The following CRACD variants were observed in gnomAD, a reference collection of about 807,000 sequenced individuals.
CRACD encodes the protein capping protein inhibiting regulator of actin dynamics.
Under a neutral mutation model 106.8 loss-of-function variants are expected in CRACD, and 56 were observed. That is an observed-to-expected ratio of 0.52 (90% CI 0.42 to 0.66). The LOEUF is 0.66. Ranked by LOEUF, CRACD falls within the 30% of genes least tolerant of loss-of-function variation. The pLI, the probability that CRACD is intolerant of heterozygous loss-of-function variation, is 0.00. For missense variants in CRACD, 1,730 were observed against 1,623.2 expected, an observed-to-expected ratio of 1.07 and a Z score of -1.13; for synonymous variants, 754 against 670.8, an observed-to-expected ratio of 1.12 and a Z score of -1.92.
At chr4:56,180,405 C>T (rs1030283633) in intron 2 of CRACD, among the ~76,000 whole-genome samples, 1 of 151,836 alleles carries the variant, frequency 6.6e-6, no homozygotes, top group African/African-American at 2.4e-5. Flanking sequence ...AGGAGAATCG[C>T]CTGAACCCGG....
intron 1 of CRACD, among the ~76,000 whole-genome samples, chr4:56,099,352 T>G (rs559943454): frequency 6.6e-6 from 1 of 152,326 alleles, no homozygotes; most frequent in Admixed American, 6.5e-5. Context: ...ACCTAATAGA[T>G]ACCTGTTCTT....
Position 56,219,344 on chromosome 4 carries a change from G to T in CRACD, c.-189+39914G>T, listed in dbSNP as rs183881934. ...GTGAAATGAATATTAGGTTTTGTTC[G>T]TTTGTTTGTTTGTTTGTTTTTGAGA... On this transcript the variant is annotated intron_variant, in intron 2 of 10. Transcript: ENST00000682029. Among the ~76,000 whole-genome samples the T allele has an allele frequency of 2.0e-5, 3 of 152,132 alleles. No individual in the cohort carries two copies. The South Asian group carries it at 6.2e-4, about 32-fold the overall frequency.
chr4:56,298,144 A>G (rs1263365717), intron 3 of CRACD, 70 bp from the exon 4 acceptor site: 1 of 1,516,896 alleles, frequency 6.6e-7, no homozygotes, highest in African/African-American at 1.4e-5. Flanking sequence ...TCCAATCAGG[A>G]ATAATGGAAA....
chr4:56,127,059 G>C (rs971140822), intron 1 of CRACD, among the ~76,000 whole-genome samples: 3 of 152,174 alleles, frequency 2.0e-5, no homozygotes, highest in Non-Finnish European at 4.4e-5. Context: ...TGGAACTTGG[G>C]AGGCGGAGCC....
intron 1 of CRACD, among the ~76,000 whole-genome samples, chr4:56,070,360 C>T (rs1414131718): frequency 6.7e-6 from 1 of 148,246 alleles, no homozygotes; most frequent in African/African-American, 2.5e-5. Context: ...AGTACAGTGG[C>T]GCCATCTCGG....
At chr4:56,251,278 A>G (rs1741041603) in intron 2 of CRACD, among the ~76,000 whole-genome samples, 1 of 152,226 alleles carries the variant, frequency 6.6e-6, no homozygotes, top group Admixed American at 6.5e-5. Context: ...CTCATTTGGC[A>G]TCTAACCTTG....
intron 2 of CRACD, among the ~76,000 whole-genome samples, chr4:56,181,869 T>TTAA (rs1251896988): frequency 2.0e-5 from 3 of 152,192 alleles, no homozygotes; most frequent in Non-Finnish European, 4.4e-5. Flanking sequence ...TGACCTCATC[T>TTAA]TAAACTAATT....
intron 1 of CRACD, among the ~76,000 whole-genome samples, chr4:56,178,474 C>T (rs1004905135): frequency 1.3e-5 from 2 of 152,144 alleles, no homozygotes; most frequent in African/African-American, 4.8e-5. Context: ...GGTAGTCCTC[C>T]GAAGCCTTTA....
At chr4:56,306,499 C>T (rs550657183) in intron 4 of CRACD, among the ~76,000 whole-genome samples, 30 of 150,716 alleles carry the variant, frequency 2.0e-4, no homozygotes, top group African/African-American at 2.4e-4. Context: ...GGCAACAGAG[C>T]GAGACCGTGT....
intron 2 of CRACD, among the ~76,000 whole-genome samples, chr4:56,200,515 C>T (rs1014505865): frequency 6.6e-6 from 1 of 152,162 alleles, no homozygotes; most frequent in African/African-American, 2.4e-5. Context: ...ATGCGACACT[C>T]ATTTCACTGA....
At chr4:56,241,197 G>C (rs1430460547) in intron 2 of CRACD, among the ~76,000 whole-genome samples, 2 of 152,256 alleles carry the variant, frequency 1.3e-5, no homozygotes, top group East Asian at 3.9e-4. Context: ...GTGCTTTCTG[G>C]ATCCATTAGT....
In CRACD at chr4:56,314,367, G is replaced by T; in HGVS notation, c.865G>T (p.Glu289Ter). Reference sequence around the variant, plus strand: ...TCTAGAGGCGGAAAGGGCGCCGCGGGAAGAGCAGCAGCGGAGCCTGGAAGC... The same window carrying T: ...TCTAGAGGCGGAAAGGGCGCCGCGGTAAGAGCAGCAGCGGAGCCTGGAAGC... ...PPLEAERAPR[E>*]EQQRSLEAPG... Residue 289 changes from glutamate (E) to a stop codon, truncating the protein, a stop_gained, in exon 8 of 11, where the codon GAA (glutamate) becomes TAA (stop). Coordinates refer to ENST00000682029, the MANE Select transcript of CRACD (RefSeq NM_001393381.1). LOFTEE classifies it high-confidence loss of function. This position sits in a 1 kb window ranked among gnomAD's most constrained non-coding sequence, Gnocchi z 4.4. 6.5e-7 allele frequency: 1 copy of T among 1,547,826 alleles called. No individual in the cohort carries two copies. Among genetic ancestry groups the T allele is most frequent in the Non-Finnish European group, 8.7e-7 (1 of 1,146,282 alleles).
chr4:56,265,103 G>C (rs1741930764), intron 2 of CRACD, among the ~76,000 whole-genome samples: 1 of 152,106 alleles, frequency 6.6e-6, no homozygotes, highest in Admixed American at 6.5e-5. Context: ...TGTCATAATG[G>C]AAATGTGCTG....
chr4:56,165,347 C>G (rs1237133324), intron 1 of CRACD, among the ~76,000 whole-genome samples: 1 of 152,216 alleles, frequency 6.6e-6, no homozygotes, highest in African/African-American at 2.4e-5. Flanking sequence ...GGATGGCTAA[C>G]AGCTCTCATT....
chr4:56,139,327 CTCTCTCTT>C (rs1735115134), intron 1 of CRACD, among the ~76,000 whole-genome samples: 1 of 147,764 alleles, frequency 6.8e-6, no homozygotes, highest in South Asian at 2.1e-4. Context: ...TCCTCTCTTC[CTCTCTCTT>C]TCTCTCTCTC....
Position 56,168,238 on chromosome 4 carries a change from G to T in CRACD, c.-335-11046G>T, listed in dbSNP as rs369259485. On this transcript the variant is annotated intron_variant, in intron 1 of 10. Coordinates refer to ENST00000682029, the MANE Select transcript of CRACD (RefSeq NM_001393381.1). ...TTTATCAGGGTGAGGAAACTGTCTT[G>T]TATTCCCAGTTTTTAAATCATTTTT... 5.2e-4 allele frequency among the ~76,000 whole-genome samples: 79 copies of T among 152,228 alleles called. 1 individual carries two copies. The South Asian group carries it at 0.016, about 30-fold the overall frequency.
At chr4:56,265,401 GGGGTGTGTGTGTGTGTGTGT>G (rs748699701) in intron 2 of CRACD, among the ~76,000 whole-genome samples, 7 of 116,156 alleles carry the variant, frequency 6.0e-5, no homozygotes, top group Admixed American at 1.6e-4. Flanking sequence ...GTATAGAGGA[GGGGTGTGTGTGTGTGTGTGT>G]GTGTGTGTGT....
At chr4:56,152,574 A>T (rs970671511) in intron 1 of CRACD, among the ~76,000 whole-genome samples, 1 of 151,896 alleles carries the variant, frequency 6.6e-6, no homozygotes, top group African/African-American at 2.4e-5. Context: ...CTCTTTTTTT[A>T]AAAAAAGCAT....
chr4:56,269,647 C>A (rs1210391178), intron 2 of CRACD, among the ~76,000 whole-genome samples: 1 of 150,042 alleles, frequency 6.7e-6, no homozygotes, highest in East Asian at 2.0e-4. Context: ...CTCACTACAG[C>A]CTTCGCCTCC....
Sources: allele counts gnomAD v4.1 joint callset (sites outside exome capture counted in the v4.1 genomes callset), GRCh38; gene constraint gnomAD v4.1.1; non-coding constraint Gnocchi (gnomAD v3.1); transcripts MANE v1.5; gene names NCBI Gene and HGNC (gene_info 2026-07-23, HGNC 2026-07-21).